WIPF1: variants seen among roughly 807,000 people sequenced by gnomAD.
The protein encoded by WIPF1 is WAS/WASL interacting protein family member 1, also known as WAS/WASL-interacting protein family member 1.
Under a neutral mutation model 35.4 loss-of-function variants are expected in WIPF1, and 13 were observed. The ratio of observed to expected loss-of-function variants is 0.37; its 90% CI spans 0.24 to 0.58. The LOEUF (loss-of-function observed/expected upper bound fraction) is 0.58. WIPF1 is among the 20% of genes least tolerant of loss of function. The pLI, the probability that WIPF1 is intolerant of heterozygous loss-of-function variation, is 0.74. For missense variants in WIPF1, 591 were observed against 667.0 expected (o/e 0.89, Z 1.25); for synonymous variants, 267 against 266.3 (o/e 1.00, Z -0.02).
rs1006829187 is a variant in WIPF1 at position 174,572,404 on chromosome 2, C to T, written c.401G>A (p.Arg134Lys). 3 of 1,614,146 alleles carry T rather than the reference C, an allele frequency of 1.9e-6. No individual in the cohort carries two copies. Among genetic ancestry groups the T allele is most frequent in the Non-Finnish European group, 2.5e-6 (3 of 1,180,032 alleles). Residue 134 changes from arginine (R) to lysine (K), a missense_variant, in exon 5 of 8, where the codon AGA becomes AAA. Transcript: ENST00000679041. ...SRPPLLPPGG[R>K]STSAKPFSPP... ...TGAAAAGGGTTTCGCAGATGTGGAT[C>T]TTCCTCCCGGTGGCAACAATGGTGG...
At chr2:174,641,245 C>T (rs1336214178) in intron 1 of WIPF1, among the ~76,000 whole-genome samples, 1 of 152,168 alleles carries the variant, frequency 6.6e-6, no homozygotes, top group Non-Finnish European at 1.5e-5. Flanking sequence ...TTACTGACTC[C>T]TTTTGTGTTT....
At chr2:174,591,903 C>T (rs544045678) in intron 1 of WIPF1, among the ~76,000 whole-genome samples, 13 of 152,324 alleles carry the variant, frequency 8.5e-5, no homozygotes, top group Admixed American at 5.9e-4. Flanking sequence ...TTCGCTACAA[C>T]GAGCACTGTG....
At chr2:174,578,824 C>A (rs1466998636) in intron 3 of WIPF1, among the ~76,000 whole-genome samples, 1 of 152,194 alleles carries the variant, frequency 6.6e-6, no homozygotes, top group Non-Finnish European at 1.5e-5. Flanking sequence ...ATAAGACTAA[C>A]AATTTCTAGA....
chr2:174,631,952 A>G (rs1168139767), intron 1 of WIPF1, among the ~76,000 whole-genome samples: 1 of 152,218 alleles, frequency 6.6e-6, no homozygotes, highest in African/African-American at 2.4e-5. Context: ...AGGCCTGCCT[A>G]TGTTGAGGAA....
At chr2:174,615,545 T>C (rs1221065538) in intron 1 of WIPF1, among the ~76,000 whole-genome samples, 3 of 151,984 alleles carry the variant, frequency 2.0e-5, no homozygotes, top group African/African-American at 2.4e-5. Flanking sequence ...ATTTATAAAA[T>C]ATGTTAGTAA....
rs1030141440 is a variant in WIPF1, at chr2:174,561,047, T to A, written c.*1500A>T. ...ATGTAAAATATCTAAGTGGAAATAT[T>A]TTTTCCCAACTCTATAGCTAGATTT... On this transcript the variant is annotated 3_prime_UTR_variant, in exon 8 of 8. Coordinates refer to ENST00000679041, the MANE Select transcript of WIPF1 (RefSeq NM_001375834.1). 1.4e-4 allele frequency: 22 copies of A among 152,620 alleles called. No individual in the cohort carries two copies. Among genetic ancestry groups the A allele is most frequent in the African/African-American group, 5.1e-4 (21 of 41,452 alleles). The allele number at this position is 152,620 out of a possible 1,614,324, so 9.5% of individuals were successfully genotyped here.
At chr2:174,608,053 A>T (rs866661889) in intron 1 of WIPF1, among the ~76,000 whole-genome samples, 10 of 152,246 alleles carry the variant, frequency 6.6e-5, no homozygotes, top group Non-Finnish European at 4.4e-5. Context: ...CAACAGGTTG[A>T]CACAAGACAG....
intron 2 of WIPF1, among the ~76,000 whole-genome samples, chr2:174,584,029 T>C (rs1400855672): frequency 2.6e-5 from 4 of 152,136 alleles, no homozygotes; most frequent in Non-Finnish European, 5.9e-5. Flanking sequence ...GGTCTCGCCA[T>C]GTTGCCCAGG....
intron 1 of WIPF1, among the ~76,000 whole-genome samples, chr2:174,591,116 T>C (rs760605172): frequency 1.3e-5 from 2 of 152,214 alleles, no homozygotes; most frequent in Non-Finnish European, 2.9e-5. Context: ...ATCAGGCATG[T>C]GCTCACACAG....
intron 1 of WIPF1, among the ~76,000 whole-genome samples, chr2:174,679,678 A>G (rs986530293): frequency 1.3e-5 from 2 of 152,212 alleles, no homozygotes; most frequent in Non-Finnish European, 2.9e-5. Flanking sequence ...AAGGATTAGC[A>G]TACTAGTTAA....
intron 1 of WIPF1, chr2:174,676,296 C>G: frequency 7.4e-6 from 1 of 134,932 alleles, no homozygotes; most frequent in African/African-American, 2.7e-5. Context: ...CCCTCCCTTC[C>G]TTCCTTCCTC....
Position 174,571,857 on chromosome 2 carries a change from G to A in WIPF1, c.948C>T (p.Pro316=), listed in dbSNP as rs779265386. 19 of 1,613,820 alleles carry A rather than the reference G, an allele frequency of 1.2e-5. No homozygotes were observed. Among genetic ancestry groups the A allele is most frequent in the African/African-American group, 8.0e-5 (6 of 74,942 alleles). The part of the protein sequence containing the change: ...APPPPPPPSR[P]GPPPLPPSSS... ...AACTTGGAGGCAGAGGAGGCGGCCC[G>A]GGCCTGCTGGGAGGTGGCGGCGGAG... Residue 316 remains proline, a synonymous_variant, in exon 5 of 8, where the codon CCC becomes CCT. Transcript: ENST00000679041. The surrounding 1 kb of genome is among the most constrained non-coding windows in gnomAD (Gnocchi z 4.6).
In WIPF1 at chr2:174,575,327, C is replaced by T. The variant is rs531744802; in HGVS notation, c.235G>A (p.Gly79Arg). ...CCGCCACCACCTCCTCCGCCAAATCCGCCGCCTCCACCAAAGCCACCACCA... is the reference window on the plus strand; with the variant it reads ...CCGCCACCACCTCCTCCGCCAAATCTGCCGCCTCCACCAAAGCCACCACCA... ...GGGGGFGGGGGFGGGGGGGGG... is the reference protein window; with the variant it reads ...GGGGGFGGGGRFGGGGGGGGG... The change falls in exon 4 of 8, where the codon GGA (glycine) becomes AGA (arginine). Residue 79 changes from glycine (G) to arginine (R), a missense_variant. Physicochemically the swap from Gly to Arg is moderately radical, Grantham distance 125 (BLOSUM62 -2). Transcript: ENST00000679041. 8.2e-5 allele frequency: 133 copies of T among 1,613,882 alleles called. No homozygotes were observed. Among genetic ancestry groups the T allele is most frequent in the South Asian group, 5.9e-4 (54 of 91,054 alleles).
intron 1 of WIPF1, among the ~76,000 whole-genome samples, chr2:174,624,989 T>C (rs534254299): frequency 6.6e-6 from 1 of 152,308 alleles, no homozygotes; most frequent in Admixed American, 6.5e-5. Context: ...TTCTGAGCCC[T>C]GAGCTCAGGC....
chr2:174,570,884 A>C (rs1282187773), intron 5 of WIPF1, among the ~76,000 whole-genome samples: 1 of 152,236 alleles, frequency 6.6e-6, no homozygotes, highest in Non-Finnish European at 1.5e-5. Flanking sequence ...AAACGCATCA[A>C]GTGAGCATAT....
intron 2 of WIPF1, among the ~76,000 whole-genome samples, chr2:174,582,443 T>C (rs939204679): frequency 1.3e-5 from 2 of 152,250 alleles, no homozygotes; most frequent in African/African-American, 2.4e-5. Context: ...CTTTCTAGGC[T>C]GGCCCCAGCC....
chr2:174,627,679 T>C lies in WIPF1; in HGVS notation c.-38-42068A>G, dbSNP rs921141084. Among the ~76,000 whole-genome samples, 42 of 152,036 alleles carry C rather than the reference T, an allele frequency of 2.8e-4. 1 individual carries two copies. Among genetic ancestry groups the C allele is most frequent in the Non-Finnish European group, 1.3e-4 (9 of 67,986 alleles). The stretch of plus-strand genomic sequence containing the variant: ...CCCCTGCCTCAGCCTCCTGATTAGC[T>C]GGAACCACAGGTGAATGCCACCAAA... On this transcript the variant is annotated intron_variant, in intron 1 of 8. Coordinates refer to the WIPF1 transcript ENST00000272746.
intron 1 of WIPF1, among the ~76,000 whole-genome samples, chr2:174,629,244 C>T (rs1188255381): frequency 6.6e-6 from 1 of 152,192 alleles, no homozygotes; most frequent in African/African-American, 2.4e-5. Flanking sequence ...AAAAAGTAAA[C>T]TATTTATCCT....
Position 174,571,681 on chromosome 2 carries a change from C to T in WIPF1, c.1124G>A (p.Arg375Gln). ...PPPPVRDPPGRSGPLPPPPPV... is the reference protein window; with the variant it reads ...PPPPVRDPPGQSGPLPPPPPV... Reference sequence around the variant, plus strand: ...CACTCCACGTCTTGTCATACCTGATCGGCCTGGCGGGTCCCTCACTGGAGG... The same window carrying T: ...CACTCCACGTCTTGTCATACCTGATTGGCCTGGCGGGTCCCTCACTGGAGG... The change falls in exon 5 of 8, where the codon CGA (arginine) becomes CAA (glutamine). Residue 375 changes from arginine to glutamine, a missense_variant. This residue lies in a region of WIPF1 where 471 missense variants were observed against 501.1 expected (regional missense o/e 0.94). Coordinates refer to ENST00000679041, the MANE Select transcript of WIPF1 (RefSeq NM_001375834.1). This position sits in a 1 kb window ranked among gnomAD's most constrained non-coding sequence, Gnocchi z 4.6. The T allele has an allele frequency of 6.2e-7, 1 of 1,614,174 alleles. No individual in the cohort carries two copies. Among genetic ancestry groups the T allele is most frequent in the Non-Finnish European group, 8.5e-7 (1 of 1,180,038 alleles).
Sources: gnomAD v4.1 joint callset for allele counts (sites outside exome capture counted in the v4.1 genomes callset) on GRCh38, gnomAD v4.1.1 for gene constraint, gnomAD v4.1.1 regional missense constraint, Gnocchi (gnomAD v3.1) non-coding constraint, MANE v1.5 for transcripts, NCBI Gene and HGNC (gene_info 2026-07-23, HGNC 2026-07-21) for gene names.